AKR1C1: variants seen among roughly 807,000 people sequenced by gnomAD.
AKR1C1 encodes 20 alpha-hydroxysteroid dehydrogenase.
Under a neutral mutation model 40.6 loss-of-function variants are expected in AKR1C1, and 32 were observed. The observed-to-expected ratio is 0.79, with a 90% CI of 0.60 to 1.06. The LOEUF (loss-of-function observed/expected upper bound fraction) is 1.06. AKR1C1 is among the 50% of genes least tolerant of loss of function. The pLI is 0.00. For synonymous variants in AKR1C1, 105 were observed against 134.2 expected (o/e 0.78, Z 1.50); for missense variants, 320 against 363.5 (o/e 0.88, Z 0.97).
At position 4,968,955 on chromosome 10, in the gene AKR1C1, T is replaced by A. The variant is rs1836379572; in HGVS notation, c.570+11T>A. The A allele has an allele frequency of 9.3e-6, 15 of 1,614,196 alleles. No homozygotes were observed. The highest frequency in any genetic ancestry group is 1.3e-5 in the Non-Finnish European group (15 of 1,180,028). On this transcript the variant is annotated intron_variant, in intron 5 of 8. Coordinates refer to ENST00000380872, the MANE Select transcript of AKR1C1 (RefSeq NM_001353.6). ...CCTGTCTGCAACCAGGTGAGCACCC[T>A]CAGCCTCCTCTCCTTTCTGTTCTTC...
intron 8 of AKR1C1, among the ~76,000 whole-genome samples, chr10:4,976,987 G>T (rs1554770524): frequency 6.6e-6 from 1 of 152,206 alleles, no homozygotes; most frequent in African/African-American, 2.4e-5. Context: ...GTGTTATTTT[G>T]TAGAACTCAA....
At position 4,967,704 on chromosome 10, in the gene AKR1C1, T is replaced by G. The variant is rs1479680987; in HGVS notation, c.370-605T>G. ...TGATAAAAACTCTAAAAATATATCC[T>G]TTCTCCACCCTTATCTCTGCTTTAT... On this transcript the variant is annotated intron_variant, in intron 3 of 8. Transcript: ENST00000380872. 7.1e-6 allele frequency: 4 copies of G among 561,948 alleles called. No homozygotes were observed. In the African/African-American group the frequency reaches 8.3e-5, roughly 12 times the overall value. The allele number at this position is 561,948 out of a possible 1,614,324, so 34.8% of individuals were successfully genotyped here. A position where few individuals can be genotyped will look rare whatever the true frequency, so the allele number is the denominator to read the frequency against.
intron 3 of AKR1C1, chr10:4,968,067 C>T (rs1836358066): frequency 1.8e-5 from 12 of 654,344 alleles, no homozygotes; most frequent in Middle Eastern, 9.6e-4. Flanking sequence ...TGATGACACT[C>T]CATTAGGAAC....
Position 4,972,199 on chromosome 10 carries a change from A to G in AKR1C1, c.571-2A>G. The G allele has an allele frequency of 6.2e-7, 1 of 1,613,728 alleles. No individual in the cohort carries two copies. The highest frequency in any genetic ancestry group is 8.5e-7 in the Non-Finnish European group (1 of 1,179,922). Reference sequence around the variant, plus strand: ...ATGCTTTTCCATCTTGCTCGTCTGCAGGTGGAATGTCATCCTTACTTCAAC... The same window carrying G: ...ATGCTTTTCCATCTTGCTCGTCTGCGGGTGGAATGTCATCCTTACTTCAAC... On this transcript the variant is annotated splice_acceptor_variant, in intron 5 of 8. Coordinates refer to ENST00000380872, the MANE Select transcript of AKR1C1 (RefSeq NM_001353.6). LOFTEE classifies it high-confidence loss of function.
rs1836568274 is a variant in AKR1C1 at position 4,978,773 on chromosome 10, T to A, written c.*1031T>A. On this transcript the variant is annotated 3_prime_UTR_variant, in exon 9 of 9. Coordinates refer to ENST00000380872, the MANE Select transcript of AKR1C1 (RefSeq NM_001353.6). ...ATAATACATCTAATAAATCAAATGT[T>A]CCAAGACTTCAAAGGTCTTTTGGAA... 6.6e-6 allele frequency: 1 copy of A among 152,210 alleles called. No homozygotes were observed. Among genetic ancestry groups the A allele is most frequent in the Admixed American group, 6.5e-5 (1 of 15,278 alleles). 9.4% of individuals were successfully genotyped at this position (152,210 alleles called of 1,614,324 possible).
intron 4 of AKR1C1, 127 bp downstream of exon 4, chr10:4,968,513 T>A: frequency 2.0e-6 from 3 of 1,527,400 alleles, no homozygotes; most frequent in Non-Finnish European, 2.7e-6. Context: ...ACAAAGGTAG[T>A]TTTTGTGAGC....
chr10:4,974,355 T>C (rs1407331870), intron 7 of AKR1C1, among the ~76,000 whole-genome samples: 1 of 151,954 alleles, frequency 6.6e-6, no homozygotes, highest in Non-Finnish European at 1.5e-5. Flanking sequence ...AAATGTATTC[T>C]TGAAATAACA....
rs985528081 is a variant in AKR1C1, at chr10:4,983,070, C to T, written c.*5328C>T. The T allele has an allele frequency of 5.5e-6, 2 of 361,884 alleles. No individual in the cohort carries two copies. Among genetic ancestry groups the T allele is most frequent in the Admixed American group, 3.1e-5 (1 of 31,950 alleles). 22.4% of individuals were successfully genotyped at this position (361,884 alleles called of 1,614,324 possible). A position where few individuals can be genotyped will look rare whatever the true frequency, so the allele number is the denominator to read the frequency against. ...CTGGGAGACTTGTGCTGAGGTGAAGCCTGGGCTGGATGGCTGGAGGATGAA... is the reference window on the plus strand; with the variant it reads ...CTGGGAGACTTGTGCTGAGGTGAAGTCTGGGCTGGATGGCTGGAGGATGAA... On this transcript the variant is annotated 3_prime_UTR_variant, in exon 9 of 9. Transcript: ENST00000380872.
chr10:4,977,040 C>T (rs1836537017), intron 8 of AKR1C1, among the ~76,000 whole-genome samples: 1 of 152,118 alleles, frequency 6.6e-6, no homozygotes, highest in South Asian at 2.1e-4. Flanking sequence ...CAAGTGTTTG[C>T]TCTTGGTGTA....
chr10:4,967,142 G>C, intron 3 of AKR1C1, 99 bp downstream of exon 3: 1 of 1,287,816 alleles, frequency 7.8e-7, no homozygotes, highest in South Asian at 1.3e-5. Context: ...GGAGGACATA[G>C]GGATTATAAC....
At chr10:4,968,648 C>T (rs1026054697) in intron 4 of AKR1C1, among the ~76,000 whole-genome samples, 174 bp from the exon 5 acceptor site, 1 of 152,216 alleles carries the variant, frequency 6.6e-6, no homozygotes, top group African/African-American at 2.4e-5. Context: ...AAGGAGGAAA[C>T]AGAAATACTT....
At chr10:4,977,663 T>A in intron 8 of AKR1C1, 37 bp from the exon 9 acceptor site, 1 of 1,608,130 alleles carries the variant, frequency 6.2e-7, no homozygotes, top group Non-Finnish European at 8.5e-7. Flanking sequence ...ACGGAGTCAT[T>A]GCCATTCAGA....
intron 5 of AKR1C1, among the ~76,000 whole-genome samples, chr10:4,971,904 G>A (rs1293903053): frequency 5.3e-5 from 8 of 150,914 alleles, no homozygotes; most frequent in African/African-American, 1.7e-4. Flanking sequence ...GATGCCCAAG[G>A]CTCAAAGAAT....
At chr10:4,973,851 GAATT>G (rs782343890) in intron 7 of AKR1C1, among the ~76,000 whole-genome samples, 6 of 151,326 alleles carry the variant, frequency 4.0e-5, no homozygotes, top group Non-Finnish European at 7.4e-5. Flanking sequence ...AGTCTCTAAA[GAATT>G]AATATCCAGA....
chr10:4,967,426 C>T (rs1836350257), intron 3 of AKR1C1: 2 of 1,005,584 alleles, frequency 2.0e-6, no homozygotes, highest in Non-Finnish European at 2.4e-6. Context: ...CAATGAGTTT[C>T]CATCTTCTTG....
At chr10:4,973,942 CTA>C (rs1354822638) in intron 7 of AKR1C1, among the ~76,000 whole-genome samples, 23 of 150,366 alleles carry the variant, frequency 1.5e-4, no homozygotes, top group Admixed American at 1.1e-3. Flanking sequence ...ATTATAAAAC[CTA>C]TGTCACATAT....
intron 3 of AKR1C1, 150 bp downstream of exon 3, chr10:4,967,193 A>G: frequency 1.0e-6 from 1 of 997,874 alleles, no homozygotes; most frequent in South Asian, 1.8e-5. Flanking sequence ...ATTCCTTTCT[A>G]TGGGATACAT....
At chr10:4,964,498 T>G (rs555641423) in intron 1 of AKR1C1, among the ~76,000 whole-genome samples, 4 of 152,222 alleles carry the variant, frequency 2.6e-5, no homozygotes, top group Non-Finnish European at 5.9e-5. Flanking sequence ...AGGAGAGGGC[T>G]GTGAGACCCA....
At chr10:4,965,091 T>G (rs941061849) in intron 1 of AKR1C1, among the ~76,000 whole-genome samples, 1 of 152,222 alleles carries the variant, frequency 6.6e-6, no homozygotes, top group South Asian at 2.1e-4. Flanking sequence ...TAATGGAGTA[T>G]GTAGAGAGCA....
Sources: gnomAD v4.1 joint callset for allele counts (sites outside exome capture counted in the v4.1 genomes callset) on GRCh38, gnomAD v4.1.1 for gene constraint, MANE v1.5 for transcripts, NCBI Gene and HGNC (gene_info 2026-07-23, HGNC 2026-07-21) for gene names.